DPYD: variants seen among roughly 807,000 people sequenced by gnomAD.
The protein encoded by DPYD is dihydropyrimidine dehydrogenase.
In DPYD, 109 loss-of-function variants were observed where a neutral mutation model predicts 116.2. The ratio of observed to expected loss-of-function variants is 0.94; its 90% CI spans 0.80 to 1.10. The LOEUF (loss-of-function observed/expected upper bound fraction) is 1.10, where lower values mean the gene tolerates loss of function less well. Among genes scored for constraint, DPYD ranks in the 50% least tolerant of loss-of-function variants. DPYD has a pLI of 0.00. For missense variants in DPYD, 1,302 were observed against 1,254.5 expected, an observed-to-expected ratio of 1.04 and a Z score of -0.57; for synonymous variants, 440 against 432.0, an observed-to-expected ratio of 1.02 and a Z score of -0.23.
intron 20 of DPYD, among the ~76,000 whole-genome samples, chr1:97,101,107 A>C (rs1650650799): frequency 6.6e-6 from 1 of 151,812 alleles, no homozygotes; most frequent in Non-Finnish European, 1.5e-5. Context: ...GCAAAAAAAA[A>C]AATACCAAAT....
intron 18 of DPYD, 147 bp from the exon 19 acceptor site, chr1:97,235,141 T>C: frequency 1.1e-6 from 1 of 893,168 alleles, no homozygotes; most frequent in South Asian, 1.5e-5. Context: ...TATACATATG[T>C]AGTGTATAAA....
intron 16 of DPYD, among the ~76,000 whole-genome samples, chr1:97,323,621 TAC>T (rs1383447583): frequency 2.3e-4 from 17 of 73,978 alleles, no homozygotes; most frequent in South Asian, 4.8e-4. Context: ...CACGTATATA[TAC>T]ATATCATATA....
intron 16 of DPYD, among the ~76,000 whole-genome samples, chr1:97,347,571 T>C (rs574812762): frequency 6.6e-6 from 1 of 152,180 alleles, no homozygotes; most frequent in East Asian, 1.9e-4. Context: ...TTGATGCTTA[T>C]GAGTGAGACT....
intron 13 of DPYD, among the ~76,000 whole-genome samples, chr1:97,481,921 C>G (rs977359724): frequency 6.6e-6 from 1 of 152,112 alleles, no homozygotes; most frequent in Non-Finnish European, 1.5e-5. Flanking sequence ...CACACACATA[C>G]AAACATTTCT....
intron 20 of DPYD, among the ~76,000 whole-genome samples, chr1:97,164,928 T>A (rs1353162840): frequency 1.3e-5 from 2 of 151,886 alleles, no homozygotes; most frequent in Non-Finnish European, 2.9e-5. Context: ...CAGGATGGTC[T>A]CGATCTGCTG....
chr1:97,290,819 A>G (rs1159171682), intron 18 of DPYD, among the ~76,000 whole-genome samples: 1 of 152,212 alleles, frequency 6.6e-6, no homozygotes, highest in African/African-American at 2.4e-5. Context: ...TGGCAACAAA[A>G]GCCAGAGTTA....
chr1:97,133,726 G>A (rs920167514), intron 20 of DPYD, among the ~76,000 whole-genome samples: 60 of 151,626 alleles, frequency 4.0e-4, no homozygotes, highest in African/African-American at 1.2e-3. Flanking sequence ...GGCCTGGTGC[G>A]GTGGTTCACA....
intron 13 of DPYD, among the ~76,000 whole-genome samples, chr1:97,515,209 G>A (rs1283504516): frequency 6.6e-6 from 1 of 151,874 alleles, no homozygotes; most frequent in Non-Finnish European, 1.5e-5. Flanking sequence ...CTAAGTATAA[G>A]ATGTCCACTT....
At chr1:97,709,788 A>C (rs1324058431) in intron 5 of DPYD, among the ~76,000 whole-genome samples, 1 of 151,858 alleles carries the variant, frequency 6.6e-6, no homozygotes, top group Non-Finnish European at 1.5e-5. Flanking sequence ...TTCAAATTTG[A>C]GGGTAACTCT....
rs566927079 is a variant in DPYD at position 97,460,644 on chromosome 1, TTCTTTTA to T, written c.1741-10428_1741-10422del. Reference sequence around the variant, plus strand: ...TGCAGGGAGAGGCCTTCTCAGAAGTTTCTTTTATCTGACTAAAGGAAATTCTTCCTGA... The same window carrying T: ...TGCAGGGAGAGGCCTTCTCAGAAGTTTCTGACTAAAGGAAATTCTTCCTGA... On this transcript the variant is annotated intron_variant, in intron 13 of 22. Transcript: ENST00000370192. Among the ~76,000 whole-genome samples, 8 of 152,282 alleles carry T rather than the reference TTCTTTTA, an allele frequency of 5.3e-5. No homozygotes were observed. The East Asian group carries it at 1.5e-3, about 29-fold the overall frequency.
intron 18 of DPYD, among the ~76,000 whole-genome samples, chr1:97,241,095 T>A (rs949900551): frequency 1.3e-5 from 2 of 152,094 alleles, no homozygotes; most frequent in Non-Finnish European, 2.9e-5. Context: ...TTTAGTTGAA[T>A]TTTTTATGTT....
chr1:97,429,431 AAAG>A (rs1675050790), intron 14 of DPYD, among the ~76,000 whole-genome samples: 1 of 152,092 alleles, frequency 6.6e-6, no homozygotes, highest in Admixed American at 6.6e-5. Context: ...TCATAAACAG[AAAG>A]AAGTATCTTA....
At chr1:97,631,257 G>A (rs1328306117) in intron 8 of DPYD, among the ~76,000 whole-genome samples, 1 of 152,044 alleles carries the variant, frequency 6.6e-6, no homozygotes, top group Non-Finnish European at 1.5e-5. Flanking sequence ...GCATAAAAGG[G>A]TACAGACTCT....
intron 19 of DPYD, among the ~76,000 whole-genome samples, chr1:97,217,739 T>C (rs143704954): frequency 1.0e-3 from 154 of 152,178 alleles, no homozygotes; most frequent in African/African-American, 3.6e-3. Flanking sequence ...ACAATTACAG[T>C]TGATATTCAT....
chr1:97,803,531 A>T (rs1667938840), intron 3 of DPYD, among the ~76,000 whole-genome samples: 1 of 151,956 alleles, frequency 6.6e-6, no homozygotes, highest in Admixed American at 6.6e-5. Context: ...GAAAATATGG[A>T]CACACATACT....
At chr1:97,503,658 C>T (rs998868610) in intron 13 of DPYD, among the ~76,000 whole-genome samples, 11 of 152,100 alleles carry the variant, frequency 7.2e-5, no homozygotes, top group African/African-American at 2.6e-4. Context: ...TCAACACCCT[C>T]CATATTGTCT....
intron 13 of DPYD, among the ~76,000 whole-genome samples, chr1:97,491,789 G>T (rs951343017): frequency 3.9e-5 from 6 of 151,996 alleles, no homozygotes; most frequent in African/African-American, 1.4e-4. Flanking sequence ...TGAAAAGGGG[G>T]TTGCTATACA....
intron 2 of DPYD, among the ~76,000 whole-genome samples, chr1:97,875,191 A>T (rs1225209535): frequency 6.6e-6 from 1 of 151,956 alleles, no homozygotes; most frequent in Non-Finnish European, 1.5e-5. Flanking sequence ...TCTTGCCTAG[A>T]TGACAAAGTG....
At chr1:97,484,045 C>T (rs2101887794) in intron 13 of DPYD, among the ~76,000 whole-genome samples, 1 of 152,338 alleles carries the variant, frequency 6.6e-6, no homozygotes. Context: ...TGGCTCACGT[C>T]TGTAATCACA....
Sources: gnomAD v4.1 joint callset for allele counts (sites outside exome capture counted in the v4.1 genomes callset) on GRCh38, gnomAD v4.1.1 for gene constraint, MANE v1.5 for transcripts, NCBI Gene and HGNC (gene_info 2026-07-23, HGNC 2026-07-21) for gene names.